XKR9: variants seen among roughly 807,000 people sequenced by gnomAD.
XKR9 encodes XK related 9.
Under a neutral mutation model 32.0 loss-of-function variants are expected in XKR9, and 32 were observed. The observed-to-expected ratio is 1.00, with a 90% CI of 0.76 to 1.34. The LOEUF (loss-of-function observed/expected upper bound fraction) is 1.34. Among genes scored for constraint, XKR9 ranks in the 40% most tolerant of loss-of-function variants. The pLI, the probability that XKR9 is intolerant of heterozygous loss-of-function variation, is 0.00. For synonymous variants in XKR9, 168 were observed against 143.4 expected (o/e 1.17, Z -1.22); for missense variants, 546 against 429.7 (o/e 1.27, Z -2.39).
the XKR9 span, among the ~76,000 whole-genome samples, chr8:71,032,804 G>C: frequency 3.3e-5 from 5 of 152,122 alleles, no homozygotes; most frequent in Admixed American, 6.5e-5. Flanking sequence ...AAAAATATTG[G>C]CTGGGTGCAG....
At chr8:70,839,122 T>C in the XKR9 span, among the ~76,000 whole-genome samples, 1 of 152,080 alleles carries the variant, frequency 6.6e-6, no homozygotes, top group Non-Finnish European at 1.5e-5. Context: ...AAGAATAAAA[T>C]GTGGGTGAAA....
chr8:70,761,668 T>C (rs1165961157), intron 2 of XKR9, among the ~76,000 whole-genome samples: 2 of 152,236 alleles, frequency 1.3e-5, no homozygotes, highest in Non-Finnish European at 2.9e-5. Flanking sequence ...CTGTTGATTT[T>C]TTTTTTCTGT....
downstream of XKR9, among the ~76,000 whole-genome samples, chr8:70,736,303 T>G (rs1471257471): frequency 2.2e-5 from 3 of 136,760 alleles, no homozygotes; most frequent in Non-Finnish European, 5.1e-5. Context: ...TCGCCCACTT[T>G]TTGATGGGGT....
chr8:70,680,999 T>C lies in XKR9; in HGVS notation c.-60T>C. 1.3e-6 allele frequency: 2 copies of C among 1,516,368 alleles called. No individual in the cohort carries two copies. The highest frequency in any genetic ancestry group is 8.9e-7 in the Non-Finnish European group (1 of 1,127,048). The allele number at this position is 1,516,368 out of a possible 1,614,324, so 93.9% of individuals were successfully genotyped here. ...AAGGGTATACTAATATTTGTTTGGC[T>C]TTTTTTCCCTTTTTGTGAGGGAGAA... On this transcript the variant is annotated 5_prime_UTR_variant, in exon 3 of 5. Coordinates refer to ENST00000408926, the MANE Select transcript of XKR9 (RefSeq NM_001011720.2).
intron 2 of XKR9, among the ~76,000 whole-genome samples, chr8:70,773,531 G>T (rs1218456972): frequency 6.6e-6 from 1 of 152,106 alleles, no homozygotes; most frequent in Admixed American, 6.6e-5. Flanking sequence ...TGTACATTTT[G>T]GGAAAGGGGA....
At chr8:70,721,359 G>C (rs1806275898) in intron 4 of XKR9, among the ~76,000 whole-genome samples, 1 of 151,870 alleles carries the variant, frequency 6.6e-6, no homozygotes, top group Admixed American at 6.6e-5. Context: ...GAATTTGTTT[G>C]CTCTTGCTTT....
At chr8:70,703,971 A>C (rs1455562119) in intron 3 of XKR9, among the ~76,000 whole-genome samples, 2 of 152,140 alleles carry the variant, frequency 1.3e-5, no homozygotes, top group East Asian at 3.9e-4. Flanking sequence ...TCATGAGGTC[A>C]GGAGATCAAG....
At chr8:70,931,385 T>C in the XKR9 span, among the ~76,000 whole-genome samples, 1 of 152,162 alleles carries the variant, frequency 6.6e-6, no homozygotes, top group African/African-American at 2.4e-5. Flanking sequence ...CCAGCCAGGT[T>C]GTGTGGTAGG....
chr8:70,683,998 A>G (rs1287881970), intron 3 of XKR9, among the ~76,000 whole-genome samples: 1 of 151,994 alleles, frequency 6.6e-6, no homozygotes, highest in South Asian at 2.1e-4. Context: ...TTTGGTTTCT[A>G]TTGTTGCTCT....
At chr8:71,027,004 A>C in the XKR9 span, among the ~76,000 whole-genome samples, 1 of 152,222 alleles carries the variant, frequency 6.6e-6, no homozygotes, top group Non-Finnish European at 1.5e-5. Context: ...TAATTTAATT[A>C]ATGGAAGAGT....
chr8:71,033,814 C>A, the XKR9 span, among the ~76,000 whole-genome samples: 1 of 152,090 alleles, frequency 6.6e-6, no homozygotes, highest in Non-Finnish European at 1.5e-5. Flanking sequence ...TGCAGCTGCC[C>A]AATTTTGAAC....
chr8:70,754,996 A>G (rs1807198544), intron 2 of XKR9, among the ~76,000 whole-genome samples: 1 of 151,670 alleles, frequency 6.6e-6, no homozygotes, highest in Non-Finnish European at 1.5e-5. Flanking sequence ...ATGGGAGAAA[A>G]TTTTTGCAAC....
chr8:70,669,606 CTGTGTGTGTG>C lies in XKR9; in HGVS notation c.-361+92_-361+101del, dbSNP rs71560431. Reference sequence around the variant, plus strand: ...ATTGCCAGATTTTTAGGCAGTGGCTCTGTGTGTGTGTGTGTGTGTGTGTGTGTGTGTGTAG... The same window carrying C: ...ATTGCCAGATTTTTAGGCAGTGGCTCTGTGTGTGTGTGTGTGTGTGTGTAG... On this transcript the variant is annotated intron_variant, in intron 1 of 4. Coordinates refer to ENST00000408926, the MANE Select transcript of XKR9 (RefSeq NM_001011720.2). The C allele has an allele frequency of 5.1e-4, 75 of 148,042 alleles. 2 individuals are homozygous for C. In the South Asian group the frequency reaches 8.3e-3, roughly 16 times the overall value. The allele number at this position is 148,042 out of a possible 1,614,324, so 9.2% of individuals were successfully genotyped here.
At chr8:71,011,582 G>T in the XKR9 span, among the ~76,000 whole-genome samples, 1 of 152,176 alleles carries the variant, frequency 6.6e-6, no homozygotes, top group Non-Finnish European at 1.5e-5. Context: ...ACTGAATTTT[G>T]CTATAAAAAG....
intron 2 of XKR9, among the ~76,000 whole-genome samples, chr8:70,745,321 G>T (rs953557318): frequency 2.0e-5 from 3 of 151,978 alleles, no homozygotes; most frequent in Non-Finnish European, 2.9e-5. Flanking sequence ...TAAATTTTGG[G>T]CTTTTTCTAG....
At chr8:70,924,281 G>T in the XKR9 span, among the ~76,000 whole-genome samples, 1 of 152,052 alleles carries the variant, frequency 6.6e-6, no homozygotes, top group Non-Finnish European at 1.5e-5. Context: ...CAAGACCATT[G>T]TAACAGCTTC....
intron 2 of XKR9, among the ~76,000 whole-genome samples, chr8:70,746,199 A>G (rs1050528641): frequency 3.3e-5 from 5 of 150,302 alleles, no homozygotes; most frequent in African/African-American, 4.9e-5. Flanking sequence ...TAAACAGCAT[A>G]TAGTATATAA....
At chr8:70,798,925 A>G in the XKR9 span, among the ~76,000 whole-genome samples, 5 of 152,194 alleles carry the variant, frequency 3.3e-5, no homozygotes, top group South Asian at 2.1e-4. Context: ...TTTTTGTACC[A>G]GTACCATGCT....
the XKR9 span, among the ~76,000 whole-genome samples, chr8:70,853,328 A>T: frequency 6.6e-6 from 1 of 151,972 alleles, no homozygotes; most frequent in Non-Finnish European, 1.5e-5. Context: ...AAAATAGATA[A>T]ATGCTTGAGG....
Sources: gnomAD v4.1 joint callset for allele counts (sites outside exome capture counted in the v4.1 genomes callset) on GRCh38, gnomAD v4.1.1 for gene constraint, MANE v1.5 for transcripts, NCBI Gene and HGNC (gene_info 2026-07-23, HGNC 2026-07-21) for gene names.